Variants in BRPF1 observed in about 807,000 individuals in gnomAD.
The protein encoded by BRPF1 is bromodomain and PHD finger containing 1, also known as peregrin.
BRPF1 carries 15 observed loss-of-function variants against 115.0 expected under a neutral mutation model. The ratio of observed to expected loss-of-function variants is 0.13; its 90% CI spans 0.09 to 0.20. The LOEUF is 0.20. Ranked by LOEUF, BRPF1 falls within the 10% of genes least tolerant of loss-of-function variation. The probability of loss-of-function intolerance (pLI) is 1.00; values close to 1 mark genes in which losing one functional copy is unlikely to be tolerated. For synonymous variants in BRPF1, 647 were observed against 619.8 expected, an observed-to-expected ratio of 1.04 and a Z score of -0.65; for missense variants, 1,118 against 1,638.3, an observed-to-expected ratio of 0.68 and a Z score of 5.48.
chr3:9,735,152 C>A (rs574529561), intron 2 of BRPF1, among the ~76,000 whole-genome samples: 1 of 151,970 alleles, frequency 6.6e-6, no homozygotes, highest in East Asian at 1.9e-4. Context: ...GCTGCAACTA[C>A]AGGCACATGC....
chr3:9,739,288 A>C lies in BRPF1; in HGVS notation c.889A>C (p.Asn297His). Residue 297 changes from asparagine (N) to histidine (H), a missense_variant, in exon 3 of 14, where the codon AAC becomes CAC. Asn to His is a moderately conservative substitution (Grantham distance 68). Coordinates refer to ENST00000383829, the MANE Select transcript of BRPF1 (RefSeq NM_001003694.2). ...SNVILFCDMC[N>H]LAVHQECYGV... ...TGTCATCCTCTTCTGTGACATGTGC[A>C]ACCTGGCCGTGCACCAGGAGTGCTA... 1 of 1,613,622 alleles carries C rather than the reference A, an allele frequency of 6.2e-7. No individual in the cohort carries two copies. The highest frequency in any genetic ancestry group is 8.5e-7 in the Non-Finnish European group (1 of 1,179,558).
In BRPF1 at chr3:9,739,721, C is replaced by T; in HGVS notation, c.1322C>T (p.Thr441Ile). 6.2e-7 allele frequency: 1 copy of T among 1,613,956 alleles called. No homozygotes were observed. The highest frequency in any genetic ancestry group is 8.5e-7 in the Non-Finnish European group (1 of 1,179,782). Residue 441 changes from threonine (T) to isoleucine (I), a missense_variant, in exon 3 of 14, where the codon ACA becomes ATA. Transcript: ENST00000383829. ...ANGTSFSVRK[T>I]AYCDIHTPPG... is the part of the protein sequence containing the mutation. ...GGCACCTCTTTCAGTGTCCGCAAGA[C>T]AGCCTACTGCGACATCCACACGCCT... is the stretch of plus-strand genomic sequence containing the variant.
In BRPF1 at chr3:9,745,324, G is replaced by A. The variant is rs2077104725; in HGVS notation, c.3068+169G>A. ...AAATAAATCAGTGTTACCATTAATA[G>A]AACAGAGAGAACCATCCTGGATTAA... On this transcript the variant is annotated intron_variant, in intron 10 of 13. Coordinates refer to ENST00000383829, the MANE Select transcript of BRPF1 (RefSeq NM_001003694.2). The surrounding 1 kb of genome is among the most constrained non-coding windows in gnomAD (Gnocchi z 5.1). 1.3e-5 allele frequency among the ~76,000 whole-genome samples: 2 copies of A among 152,236 alleles called. No homozygotes were observed. The highest frequency in any genetic ancestry group is 6.5e-5 in the Admixed American group (1 of 15,286).
intron 12 of BRPF1, 95 bp from the exon 13 acceptor site, chr3:9,746,205 T>C: frequency 7.0e-7 from 1 of 1,418,584 alleles, no homozygotes; most frequent in Non-Finnish European, 9.5e-7. Context: ...ATACCCTCTC[T>C]GTCCCCACTT....
chr3:9,731,768 C>CGCCGCCGCTGCT lies in BRPF1; in HGVS notation c.-370_-369insTGCCGCCGCTGC. On this transcript the variant is annotated 5_prime_UTR_variant, in exon 1 of 14. Coordinates refer to ENST00000383829, the MANE Select transcript of BRPF1 (RefSeq NM_001003694.2). ...CAGACGCCGTCGCCGCCGCTGCTGC[C>CGCCGCCGCTGCT]GCCGCCGCTGCCACAGCCTTTGCCG... is the stretch of plus-strand genomic sequence containing the variant. 1.3e-5 allele frequency: 2 copies of CGCCGCCGCTGCT among 157,562 alleles called. No individual in the cohort carries two copies. The highest frequency in any genetic ancestry group is 2.8e-5 in the Non-Finnish European group (2 of 71,784). 9.8% of individuals were successfully genotyped at this position (157,562 alleles called of 1,614,324 possible).
In BRPF1 at chr3:9,747,393, T is replaced by C. The variant is rs1575170713; in HGVS notation, c.*44T>C. 6.3e-7 allele frequency: 1 copy of C among 1,594,174 alleles called. No homozygotes were observed. Among genetic ancestry groups the C allele is most frequent in the Middle Eastern group, 2.2e-4 (1 of 4,598 alleles). On this transcript the variant is annotated 3_prime_UTR_variant, in exon 14 of 14. Coordinates refer to ENST00000383829, the MANE Select transcript of BRPF1 (RefSeq NM_001003694.2). The surrounding 1 kb of genome is among the most constrained non-coding windows in gnomAD (Gnocchi z 5.6). ...AACCTATAGTGCCCTGTGACTTCTC[T>C]CCTCCCCTTTGCTCACTGTCCTGGA... is the stretch of plus-strand genomic sequence containing the variant.
intron 2 of BRPF1, among the ~76,000 whole-genome samples, chr3:9,736,803 T>G (rs1016883375): frequency 3.5e-4 from 54 of 152,362 alleles, no homozygotes; most frequent in African/African-American, 1.2e-3. Flanking sequence ...TTTGAGGTCA[T>G]CTCTCTAATA....
rs1575169366 is a variant in BRPF1 at position 9,746,536 on chromosome 3, A to G, written c.3479+82A>G. 4.3e-6 allele frequency: 6 copies of G among 1,409,978 alleles called. No individual in the cohort carries two copies. In the South Asian group the frequency reaches 4.7e-5, roughly 11 times the overall value. The allele number at this position is 1,409,978 out of a possible 1,614,324, so 87.3% of individuals were successfully genotyped here. ...TGGGGGCAGACTGCCAGGAAACTCCAGCAACAGGCAGACTGGGCTATCACA... is the reference window on the plus strand; with the variant it reads ...TGGGGGCAGACTGCCAGGAAACTCCGGCAACAGGCAGACTGGGCTATCACA... On this transcript the variant is annotated intron_variant, in intron 13 of 13. Coordinates refer to ENST00000383829, the MANE Select transcript of BRPF1 (RefSeq NM_001003694.2).
In BRPF1 at chr3:9,747,300, G is replaced by A. The variant is rs755706968; in HGVS notation, c.3614G>A (p.Arg1205His). 3.1e-6 allele frequency: 5 copies of A among 1,614,222 alleles called. No homozygotes were observed. Among genetic ancestry groups the A allele is most frequent in the Admixed American group, 1.7e-5 (1 of 60,034 alleles). Reference protein sequence around the residue: ...QIAYHRALQHRSKVQGEQSSE... With the variant: ...QIAYHRALQHHSKVQGEQSSE... ...GCCTACCACAGGGCTCTGCAGCACCGCAGCAAGGTGCAAGGCGAGCAGAGC... is the reference window on the plus strand; with the variant it reads ...GCCTACCACAGGGCTCTGCAGCACCACAGCAAGGTGCAAGGCGAGCAGAGC... Residue 1205 changes from arginine to histidine, a missense_variant, in exon 14 of 14, where the codon CGC (arginine) becomes CAC (histidine). Physicochemically the swap from Arg to His is conservative, Grantham distance 29. This residue lies in a region of BRPF1 where 76 missense variants were observed against 166.1 expected (regional missense o/e 0.46). Coordinates refer to ENST00000383829, the MANE Select transcript of BRPF1 (RefSeq NM_001003694.2). The surrounding 1 kb of genome is among the most constrained non-coding windows in gnomAD (Gnocchi z 5.6).
At chr3:9,735,953 T>C (rs2076932329) in intron 2 of BRPF1, among the ~76,000 whole-genome samples, 1 of 152,086 alleles carries the variant, frequency 6.6e-6, no homozygotes, top group African/African-American at 2.4e-5. Context: ...AAAGCTTTTA[T>C]ATGAAAAGCA....
At position 9,744,088 on chromosome 3, in the gene BRPF1, A is replaced by G. The variant is rs866194269; in HGVS notation, c.2636-136A>G. 4.8e-5 allele frequency: 64 copies of G among 1,321,332 alleles called. 4 individuals are homozygous for G. In the Middle Eastern group the frequency reaches 9.7e-3, roughly 201 times the overall value. 81.9% of individuals were successfully genotyped at this position (1,321,332 alleles called of 1,614,324 possible). A position where few individuals can be genotyped will look rare whatever the true frequency, so the allele number is the denominator to read the frequency against. On this transcript the variant is annotated intron_variant, in intron 8 of 13. Transcript: ENST00000383829. ...TATTTGTATAAGAGTTAATCTTCCA[A>G]ATTCCAAGCCCCTAAAATGATCTCC...
At position 9,747,362 on chromosome 3, in the gene BRPF1, C is replaced by G; in HGVS notation, c.*13C>G. ...CGATAGTGATTGATACTGCTCAACA[C>G]AGCCCAACCTATAGTGCCCTGTGAC... On this transcript the variant is annotated 3_prime_UTR_variant, in exon 14 of 14. Transcript: ENST00000383829. This position sits in a 1 kb window ranked among gnomAD's most constrained non-coding sequence, Gnocchi z 5.6. The G allele has an allele frequency of 6.2e-7, 1 of 1,611,414 alleles. No homozygotes were observed. The highest frequency in any genetic ancestry group is 8.5e-7 in the Non-Finnish European group (1 of 1,178,348).
intron 6 of BRPF1, chr3:9,742,620 GTGT>G (rs750493283): frequency 4.8e-5 from 44 of 919,334 alleles, no homozygotes; most frequent in Non-Finnish European, 5.5e-5. Context: ...ATGCAAGGTG[GTGT>G]TTATTTTCAG....
intron 8 of BRPF1, 113 bp downstream of exon 8, chr3:9,744,014 A>AC: frequency 1.5e-6 from 2 of 1,354,454 alleles, no homozygotes; most frequent in Non-Finnish European, 2.0e-6. Context: ...AGCTAGCTGT[A>AC]CTTTCTCCCT....
chr3:9,745,202 G>A lies in BRPF1; in HGVS notation c.3068+47G>A. 1.3e-6 allele frequency: 2 copies of A among 1,592,930 alleles called. No homozygotes were observed. The highest frequency in any genetic ancestry group is 1.7e-6 in the Non-Finnish European group (2 of 1,170,962). Reference sequence around the variant, plus strand: ...GCCAACCTCAGGGGATGCCCTTCCAGGGCTCTTGGGCCTGTGTAGGTTTCC... The same window carrying A: ...GCCAACCTCAGGGGATGCCCTTCCAAGGCTCTTGGGCCTGTGTAGGTTTCC... On this transcript the variant is annotated intron_variant, in intron 10 of 13. Coordinates refer to ENST00000383829, the MANE Select transcript of BRPF1 (RefSeq NM_001003694.2). This position sits in a 1 kb window ranked among gnomAD's most constrained non-coding sequence, Gnocchi z 5.1.
At chr3:9,746,604 G>T in intron 13 of BRPF1, 150 bp downstream of exon 13, 1 of 983,604 alleles carries the variant, frequency 1.0e-6, no homozygotes, top group Non-Finnish European at 1.4e-6. Flanking sequence ...TGAGCGAAAG[G>T]GTTGTGTCGA....
Position 9,747,551 on chromosome 3 carries a change from G to A in BRPF1, c.*202G>A. ...CACTCCAAGGGCCAATGGCAGTTCA[G>A]CGCAAGGAGAGGGAGGGCCCACAGG... is the stretch of plus-strand genomic sequence containing the variant. On this transcript the variant is annotated 3_prime_UTR_variant, in exon 14 of 14. Coordinates refer to ENST00000383829, the MANE Select transcript of BRPF1 (RefSeq NM_001003694.2). This position sits in a 1 kb window ranked among gnomAD's most constrained non-coding sequence, Gnocchi z 5.6. 1 of 530,130 alleles carries A rather than the reference G, an allele frequency of 1.9e-6. No individual in the cohort carries two copies. Among genetic ancestry groups the A allele is most frequent in the Non-Finnish European group, 3.3e-6 (1 of 307,406 alleles). The allele number at this position is 530,130 out of a possible 1,614,324, so 32.8% of individuals were successfully genotyped here.
chr3:9,745,735 G>C lies in BRPF1; in HGVS notation c.3205+26G>C, dbSNP rs371334273. ...GTAAGTTCCCTTGCCCAAGGCCAGG[G>C]ATGCTGGGGACCCAGTGTCAGGGTC... On this transcript the variant is annotated intron_variant, in intron 11 of 13. Coordinates refer to ENST00000383829, the MANE Select transcript of BRPF1 (RefSeq NM_001003694.2). This position sits in a 1 kb window ranked among gnomAD's most constrained non-coding sequence, Gnocchi z 5.1. The C allele has an allele frequency of 2.4e-5, 38 of 1,612,452 alleles. No homozygotes were observed. Among genetic ancestry groups the C allele is most frequent in the Non-Finnish European group, 3.2e-5 (38 of 1,178,648 alleles).
At position 9,743,726 on chromosome 3, in the gene BRPF1, A is replaced by G. The variant is rs1042221919; in HGVS notation, c.2460A>G (p.Lys820=). The part of the protein sequence containing the change: ...GRSRRAKMIK[K]EMTALRRKLA... Reference sequence around the variant, plus strand: ...CACGGCGTGCAAAGATGATCAAGAAAGAGATGACGGCACTGCGGCGGAAGC... The same window carrying G: ...CACGGCGTGCAAAGATGATCAAGAAGGAGATGACGGCACTGCGGCGGAAGC... The change falls in exon 8 of 14, where the codon AAA becomes AAG. Residue 820 remains lysine (K), a synonymous_variant. Transcript: ENST00000383829. This position sits in a 1 kb window ranked among gnomAD's most constrained non-coding sequence, Gnocchi z 6.1. 1.2e-6 allele frequency: 2 copies of G among 1,614,060 alleles called. No homozygotes were observed. The highest frequency in any genetic ancestry group is 2.7e-5 in the African/African-American group (2 of 74,936).
Sources: gnomAD v4.1 joint callset for allele counts (sites outside exome capture counted in the v4.1 genomes callset) on GRCh38, gnomAD v4.1.1 for gene constraint, gnomAD v4.1.1 regional missense constraint, Gnocchi (gnomAD v3.1) non-coding constraint, MANE v1.5 for transcripts, NCBI Gene and HGNC (gene_info 2026-07-23, HGNC 2026-07-21) for gene names.